LAMA2: variants seen among roughly 807,000 people sequenced by gnomAD.
The protein encoded by LAMA2 is laminin subunit alpha-2.
A neutral mutation model predicts 364.8 loss-of-function variants in LAMA2; 269 were observed. The ratio of observed to expected loss-of-function variants is 0.74; its 90% CI spans 0.67 to 0.82. The LOEUF is 0.82. Ranked by LOEUF, LAMA2 falls within the 40% of genes least tolerant of loss-of-function variation. The pLI, the probability that LAMA2 is intolerant of heterozygous loss-of-function variation, is 0.00. For missense variants in LAMA2, 3,807 were observed against 3,873.2 expected (o/e 0.98, Z 0.45); for synonymous variants, 1,379 against 1,370.6 (o/e 1.01, Z -0.14).
chr6:129,205,669 A>T (rs980078725), intron 12 of LAMA2, among the ~76,000 whole-genome samples: 23 of 152,124 alleles, frequency 1.5e-4, no homozygotes, highest in East Asian at 7.8e-4. Flanking sequence ...TAAAATTATT[A>T]AAAAAGGAAG....
chr6:129,187,201 G>A (rs1183255130), intron 10 of LAMA2, among the ~76,000 whole-genome samples: 1 of 151,674 alleles, frequency 6.6e-6, no homozygotes, highest in Non-Finnish European at 1.5e-5. Context: ...GACAATGGTC[G>A]ATGAGTCACA....
chr6:129,437,567 G>T (rs184072728), intron 41 of LAMA2, among the ~76,000 whole-genome samples: 1 of 151,872 alleles, frequency 6.6e-6, no homozygotes, highest in African/African-American at 2.4e-5. Flanking sequence ...CAATTAGTAC[G>T]CATGTCCCAA....
At chr6:128,908,540 G>A (rs1352745604) in intron 1 of LAMA2, among the ~76,000 whole-genome samples, 2 of 142,272 alleles carry the variant, frequency 1.4e-5, no homozygotes, top group Admixed American at 7.1e-5. Flanking sequence ...TTCTTTATTA[G>A]TCTTGCTAGC....
At chr6:129,425,883 C>T (rs1781302856) in intron 40 of LAMA2, among the ~76,000 whole-genome samples, 1 of 151,750 alleles carries the variant, frequency 6.6e-6, no homozygotes, top group Non-Finnish European at 1.5e-5. Context: ...CTTTTCTCTC[C>T]ACTTTAATCC....
At chr6:129,245,079 T>C (rs998566713) in intron 12 of LAMA2, among the ~76,000 whole-genome samples, 18 of 152,038 alleles carry the variant, frequency 1.2e-4, no homozygotes, top group African/African-American at 3.6e-4. Flanking sequence ...GGAATGGAGG[T>C]AAATTTTTTC....
intron 22 of LAMA2, among the ~76,000 whole-genome samples, chr6:129,307,358 C>T (rs959416448): frequency 6.6e-6 from 1 of 152,230 alleles, no homozygotes; most frequent in Non-Finnish European, 1.5e-5. Context: ...CACCTATCAG[C>T]ATTCAGTCAA....
chr6:129,250,497 G>A (rs1786098893), intron 13 of LAMA2, among the ~76,000 whole-genome samples: 1 of 152,122 alleles, frequency 6.6e-6, no homozygotes, highest in South Asian at 2.1e-4. Context: ...TTATGAAAGT[G>A]TTTAGGTACA....
chr6:129,098,312 T>G lies in LAMA2; in HGVS notation c.536T>G (p.Leu179Arg). 6.2e-7 allele frequency: 1 copy of G among 1,614,058 alleles called. No homozygotes were observed. Among genetic ancestry groups the G allele is most frequent in the Non-Finnish European group, 8.5e-7 (1 of 1,179,982 alleles). The change falls in exon 4 of 65, where the codon CTT becomes CGT. Residue 179 changes from leucine (L) to arginine (R), a missense_variant. This residue lies in a region of LAMA2 where 394 missense variants were observed against 403.5 expected (regional missense o/e 0.98). Coordinates refer to ENST00000421865, the MANE Select transcript of LAMA2 (RefSeq NM_000426.4). ...HAVTDTECLTLYNIYPRTGPP... is the reference protein window; with the variant it reads ...HAVTDTECLTRYNIYPRTGPP... Reference sequence around the variant, plus strand: ...GTGACAGACACGGAGTGCCTAACGCTTTACAATATTTATCCCCGCACTGGG... The same window carrying G: ...GTGACAGACACGGAGTGCCTAACGCGTTACAATATTTATCCCCGCACTGGG...
intron 37 of LAMA2, among the ~76,000 whole-genome samples, chr6:129,399,524 G>C (rs189830393): frequency 6.6e-6 from 1 of 152,206 alleles, no homozygotes; most frequent in Non-Finnish European, 1.5e-5. Context: ...TTCATAGCTT[G>C]GGAGTGAGCA....
intron 1 of LAMA2, among the ~76,000 whole-genome samples, chr6:128,886,466 T>A (rs1453906812): frequency 6.6e-6 from 1 of 152,154 alleles, no homozygotes; most frequent in Non-Finnish European, 1.5e-5. Flanking sequence ...TACACAAAAC[T>A]CATAGAAGCA....
chr6:129,409,783 A>C (rs908022602), intron 40 of LAMA2, among the ~76,000 whole-genome samples: 1 of 152,192 alleles, frequency 6.6e-6, no homozygotes, highest in African/African-American at 2.4e-5. Context: ...CATACGGCCC[A>C]ATCGGCAGAG....
chr6:129,495,689 T>A (rs1785133657), intron 58 of LAMA2, among the ~76,000 whole-genome samples: 1 of 152,192 alleles, frequency 6.6e-6, no homozygotes, highest in Admixed American at 6.5e-5. Context: ...CACCTTACTT[T>A]TCTAAGTACT....
intron 1 of LAMA2, chr6:128,929,454 C>G: frequency 2.4e-6 from 2 of 838,534 alleles, no homozygotes; most frequent in Admixed American, 3.4e-5. Flanking sequence ...CGGTGAGTCT[C>G]AGGAAAGATA....
At chr6:129,152,705 G>A (rs1369081691) in intron 7 of LAMA2, among the ~76,000 whole-genome samples, 4 of 152,074 alleles carry the variant, frequency 2.6e-5, no homozygotes, top group African/African-American at 7.2e-5. Context: ...ACATTAGAGC[G>A]CCTCCCTCCA....
At chr6:129,325,312 A>G (rs576757020) in intron 28 of LAMA2, among the ~76,000 whole-genome samples, 1 of 152,268 alleles carries the variant, frequency 6.6e-6, no homozygotes, top group Non-Finnish European at 1.5e-5. Flanking sequence ...GAGCTCAGGA[A>G]AGTATTTATT....
intron 28 of LAMA2, among the ~76,000 whole-genome samples, chr6:129,322,170 C>A (rs529522995): frequency 1.3e-5 from 2 of 152,292 alleles, no homozygotes; most frequent in East Asian, 3.9e-4. Flanking sequence ...CTCTGAAGGG[C>A]AATATTTATT....
chr6:129,309,953 G>C (rs1774110173), intron 22 of LAMA2, among the ~76,000 whole-genome samples: 2 of 142,378 alleles, frequency 1.4e-5, no homozygotes, highest in African/African-American at 5.4e-5. Flanking sequence ...AGGCTGGAGT[G>C]CAGTGGCGCG....
At chr6:129,017,926 G>A (rs9492196) in intron 1 of LAMA2, among the ~76,000 whole-genome samples, 171 of 151,920 alleles carry the variant, frequency 1.1e-3, no homozygotes, top group African/African-American at 3.9e-3. Flanking sequence ...GTTAGATCTT[G>A]TAGGTCTAAA....
chr6:129,344,868 C>T (rs1776458123), intron 30 of LAMA2, among the ~76,000 whole-genome samples: 1 of 152,122 alleles, frequency 6.6e-6, no homozygotes, highest in Non-Finnish European at 1.5e-5. Context: ...GGGCTTGCCG[C>T]CTGAAGCACA....
Sources: allele counts gnomAD v4.1 joint callset (sites outside exome capture counted in the v4.1 genomes callset), GRCh38; gene constraint gnomAD v4.1.1; regional missense constraint gnomAD v4.1.1; transcripts MANE v1.5; gene names NCBI Gene and HGNC (gene_info 2026-07-23, HGNC 2026-07-21).